Variants in PRKN observed in about 807,000 individuals in gnomAD.
PRKN encodes E3 ubiquitin-protein ligase parkin.
A neutral mutation model predicts 59.5 loss-of-function variants in PRKN; 56 were observed. That is an observed-to-expected ratio of 0.94 (90% CI 0.76 to 1.18). The LOEUF is 1.18. PRKN is among the 50% of genes most tolerant of loss of function. The pLI, the probability that PRKN is intolerant of heterozygous loss-of-function variation, is 0.00. For missense variants in PRKN, 657 were observed against 596.4 expected, an observed-to-expected ratio of 1.10 and a Z score of -1.06; for synonymous variants, 250 against 222.1, an observed-to-expected ratio of 1.13 and a Z score of -1.12.
chr6:161,737,146 C>T (rs564162881), intron 7 of PRKN, among the ~76,000 whole-genome samples: 96 of 152,258 alleles, frequency 6.3e-4, no homozygotes, highest in African/African-American at 2.1e-3. Flanking sequence ...GACAAAGGCC[C>T]GAGTGCAGGT....
At chr6:161,885,061 A>T (rs967617298) in intron 6 of PRKN, among the ~76,000 whole-genome samples, 1 of 151,756 alleles carries the variant, frequency 6.6e-6, no homozygotes, top group Non-Finnish European at 1.5e-5. Flanking sequence ...GACCTACTGC[A>T]TCTTCATTAA....
At chr6:162,040,213 C>T (rs1018027649) in intron 5 of PRKN, among the ~76,000 whole-genome samples, 1 of 152,064 alleles carries the variant, frequency 6.6e-6, no homozygotes, top group South Asian at 2.1e-4. Flanking sequence ...AGCACAGAAG[C>T]GGTAGGAAAC....
At chr6:162,570,967 T>A (rs966055123) in intron 1 of PRKN, among the ~76,000 whole-genome samples, 5 of 152,150 alleles carry the variant, frequency 3.3e-5, no homozygotes, top group Admixed American at 2.0e-4. Flanking sequence ...AAAGGATAAA[T>A]GCTTGAGGGG....
intron 7 of PRKN, among the ~76,000 whole-genome samples, chr6:161,673,800 A>G (rs1473986257): frequency 6.6e-6 from 1 of 152,152 alleles, no homozygotes; most frequent in African/African-American, 2.4e-5. Context: ...ATGGGTAGGT[A>G]GCATGTGTGG....
Position 161,355,953 on chromosome 6 carries a change from C to T in PRKN, c.1285+4135G>A, listed in dbSNP as rs896774736. Among the ~76,000 whole-genome samples, 2 of 152,156 alleles carry T rather than the reference C, an allele frequency of 1.3e-5. No individual in the cohort carries two copies. The highest frequency in any genetic ancestry group is 3.8e-4 in the East Asian group (2 of 5,196). On this transcript the variant is annotated intron_variant, in intron 11 of 11. Transcript: ENST00000366898. The surrounding 1 kb of genome is among the most constrained non-coding windows in gnomAD (Gnocchi z 6.8). ...ACACTGAGATGGAAAGGGAGGAGGG[C>T]AGACTGGGCAGAGGAGAAGCCCAGC...
At position 161,357,182 on chromosome 6, in the gene PRKN, G is replaced by A. The variant is rs900834765; in HGVS notation, c.1285+2906C>T. On this transcript the variant is annotated intron_variant, in intron 11 of 11. Transcript: ENST00000366898. The surrounding 1 kb of genome is among the most constrained non-coding windows in gnomAD (Gnocchi z 5.5). ...TTCTCCTGCCTCAGGTTCCCAAGCA[G>A]TTGGGACTACAGGCATGTACCACCA... Among the ~76,000 whole-genome samples the A allele has an allele frequency of 6.6e-6, 1 of 151,692 alleles. No individual in the cohort carries two copies. The highest frequency in any genetic ancestry group is 2.4e-5 in the African/African-American group (1 of 41,326).
intron 2 of PRKN, among the ~76,000 whole-genome samples, chr6:162,386,040 T>A (rs1028590885): frequency 6.2e-4 from 94 of 152,220 alleles, no homozygotes; most frequent in African/African-American, 1.8e-3. Context: ...TGATTTTTTT[T>A]AAAAAAAGAG....
At chr6:162,101,504 T>TA (rs199662257) in intron 4 of PRKN, among the ~76,000 whole-genome samples, 24 of 147,282 alleles carry the variant, frequency 1.6e-4, no homozygotes, top group South Asian at 4.3e-4. Flanking sequence ...CTGTCTCTAC[T>TA]AAAAAAAAAA....
chr6:162,720,442 T>G (rs978464704), intron 1 of PRKN, among the ~76,000 whole-genome samples: 1 of 5,662 alleles, frequency 1.8e-4, no homozygotes, highest in Non-Finnish European at 3.2e-4. Flanking sequence ...GATGGTCTTT[T>G]TTTTTTTTTT....
At chr6:161,989,328 C>G (rs1268870515) in intron 5 of PRKN, among the ~76,000 whole-genome samples, 1 of 152,188 alleles carries the variant, frequency 6.6e-6, no homozygotes. Context: ...ACAGCTGGTG[C>G]CCATGCACAT....
chr6:161,901,412 T>G (rs1385329760), intron 6 of PRKN, among the ~76,000 whole-genome samples: 1 of 152,094 alleles, frequency 6.6e-6, no homozygotes, highest in African/African-American at 2.4e-5. Flanking sequence ...GGCAGGCCAG[T>G]CTCCTTCACC....
chr6:161,805,778 C>T (rs1365670336), intron 6 of PRKN, among the ~76,000 whole-genome samples: 1 of 152,140 alleles, frequency 6.6e-6, no homozygotes, highest in Non-Finnish European at 1.5e-5. Context: ...GATGGAGAGC[C>T]GGGGTGGTTG....
intron 7 of PRKN, among the ~76,000 whole-genome samples, chr6:161,756,010 T>C (rs944193185): frequency 7.9e-5 from 12 of 152,058 alleles, no homozygotes; most frequent in African/African-American, 2.7e-4. Context: ...ATCAGCTGGG[T>C]TGAAATTGAT....
chr6:161,660,443 A>G (rs922948351), intron 7 of PRKN, among the ~76,000 whole-genome samples: 1 of 152,336 alleles, frequency 6.6e-6, no homozygotes, highest in Admixed American at 6.5e-5. Context: ...TTCAAAGGAA[A>G]AAACAGGGAT....
rs1785838346 is a variant in PRKN, at chr6:161,378,742, G to A, written c.1167+8052C>T. Among the ~76,000 whole-genome samples the A allele has an allele frequency of 6.6e-6, 1 of 152,236 alleles. No homozygotes were observed. Among genetic ancestry groups the A allele is most frequent in the African/African-American group, 2.4e-5 (1 of 41,470 alleles). Reference sequence around the variant, plus strand: ...AGGCTTGCACGATGCCGCTGGAGCTGCACTGTGATGTGGGCGCTATCCTCT... The same window carrying A: ...AGGCTTGCACGATGCCGCTGGAGCTACACTGTGATGTGGGCGCTATCCTCT... On this transcript the variant is annotated intron_variant, in intron 10 of 11. Coordinates refer to ENST00000366898, the MANE Select transcript of PRKN (RefSeq NM_004562.3). This position sits in a 1 kb window ranked among gnomAD's most constrained non-coding sequence, Gnocchi z 7.3.
intron 2 of PRKN, among the ~76,000 whole-genome samples, chr6:162,293,828 G>A (rs1219192612): frequency 2.0e-5 from 3 of 152,090 alleles, no homozygotes; most frequent in East Asian, 1.9e-4. Context: ...GAGAGTGCCC[G>A]CCACCGCACC....
At chr6:162,569,965 T>C (rs1780249431) in intron 1 of PRKN, among the ~76,000 whole-genome samples, 1 of 151,848 alleles carries the variant, frequency 6.6e-6, no homozygotes. Flanking sequence ...CAGCTAGCCC[T>C]GAAAAAAAGG....
At chr6:161,513,199 G>A (rs994724579) in intron 9 of PRKN, among the ~76,000 whole-genome samples, 53 of 152,274 alleles carry the variant, frequency 3.5e-4, no homozygotes, top group Middle Eastern at 3.4e-3. Flanking sequence ...AAACTGTGAC[G>A]GGATATTCCC....
At chr6:162,263,829 C>T (rs1356716625) in intron 2 of PRKN, among the ~76,000 whole-genome samples, 1 of 152,048 alleles carries the variant, frequency 6.6e-6, no homozygotes, top group Non-Finnish European at 1.5e-5. Flanking sequence ...TAGCGTGCGC[C>T]TGTAATCCCA....
Sources: allele counts gnomAD v4.1 joint callset (sites outside exome capture counted in the v4.1 genomes callset), GRCh38; gene constraint gnomAD v4.1.1; non-coding constraint Gnocchi (gnomAD v3.1); transcripts MANE v1.5; gene names NCBI Gene and HGNC (gene_info 2026-07-23, HGNC 2026-07-21).